Variants in PTPRA observed in about 807,000 individuals in gnomAD.
PTPRA encodes protein tyrosine phosphatase receptor type A.
In PTPRA, 25 loss-of-function variants were observed where a neutral mutation model predicts 104.8. That is an observed-to-expected ratio of 0.24 (90% CI 0.17 to 0.33). PTPRA has a LOEUF of 0.33. Among genes scored for constraint, PTPRA ranks in the 10% least tolerant of loss-of-function variants. The pLI, the probability that PTPRA is intolerant of heterozygous loss-of-function variation, is 1.00. For synonymous variants in PTPRA, 323 were observed against 368.9 expected (o/e 0.88, Z 1.43); for missense variants, 765 against 1,015.3 (o/e 0.75, Z 3.35).
At chr20:2,865,006 A>G in the PTPRA span, 1 of 1,614,170 alleles carries the variant, frequency 6.2e-7, no homozygotes, top group East Asian at 2.2e-5. The surrounding 1 kb of genome is among the most constrained non-coding windows in gnomAD (Gnocchi z 5.2). Context: ...GCAGCTCTGC[A>G]GACAGCCGCC....
intron 2 of PTPRA, among the ~76,000 whole-genome samples, chr20:2,933,580 C>T (rs2147537910): frequency 6.6e-6 from 1 of 152,102 alleles, no homozygotes; most frequent in Admixed American, 6.5e-5. Flanking sequence ...TGTGTCTCAG[C>T]CTCCCAAGTA....
At chr20:2,985,977 C>T (rs1029558196) in intron 6 of PTPRA, among the ~76,000 whole-genome samples, 7 of 151,936 alleles carry the variant, frequency 4.6e-5, no homozygotes, top group Non-Finnish European at 7.4e-5. Flanking sequence ...TGTACAGGCC[C>T]GGCTCACTGT....
intron 3 of PTPRA, among the ~76,000 whole-genome samples, chr20:2,952,145 A>G (rs942819565): frequency 1.3e-5 from 2 of 152,090 alleles, no homozygotes; most frequent in African/African-American, 4.8e-5. Flanking sequence ...AAAACTGTCA[A>G]ATGATACTCC....
At position 3,035,463 on chromosome 20, in the gene PTPRA, G is replaced by A. The variant is rs2148526337; in HGVS notation, c.1921-122G>A. On this transcript the variant is annotated intron_variant, in intron 20 of 23. Coordinates refer to ENST00000399903, the MANE Select transcript of PTPRA (RefSeq NM_001385305.1). This position sits in a 1 kb window ranked among gnomAD's most constrained non-coding sequence, Gnocchi z 5.8. The stretch of plus-strand genomic sequence containing the variant: ...TGATCCTGCAAGTTTTCAATACCTT[G>A]GGGACGAAGCGTATCAGCGTAAGAG... 1 of 1,160,456 alleles carries A rather than the reference G, an allele frequency of 8.6e-7. No individual in the cohort carries two copies. Among genetic ancestry groups the A allele is most frequent in the Non-Finnish European group, 1.2e-6 (1 of 821,720 alleles). The allele number at this position is 1,160,456 out of a possible 1,614,324, so 71.9% of individuals were successfully genotyped here. A position where few individuals can be genotyped will look rare whatever the true frequency, so the allele number is the denominator to read the frequency against.
intron 11 of PTPRA, among the ~76,000 whole-genome samples, chr20:3,012,748 G>A (rs2064233181): frequency 6.6e-6 from 1 of 152,206 alleles, no homozygotes; most frequent in Non-Finnish European, 1.5e-5. Context: ...GCCGTTTGTT[G>A]CATCCTTTTT....
chr20:3,022,859 T>A lies in PTPRA; in HGVS notation c.1464+35T>A. On this transcript the variant is annotated intron_variant, in intron 16 of 23. Coordinates refer to ENST00000399903, the MANE Select transcript of PTPRA (RefSeq NM_001385305.1). The surrounding 1 kb of genome is among the most constrained non-coding windows in gnomAD (Gnocchi z 4.6). ...CTGTGGGTCAGGTGAGGGTGGGGGG[T>A]TCCAGGACTAAAACATCTGCCCACA... 6.2e-7 allele frequency: 1 copy of A among 1,611,950 alleles called. No individual in the cohort carries two copies. Among genetic ancestry groups the A allele is most frequent in the South Asian group, 1.1e-5 (1 of 90,882 alleles).
At chr20:2,952,878 A>G (rs2061400044) in intron 3 of PTPRA, among the ~76,000 whole-genome samples, 1 of 152,188 alleles carries the variant, frequency 6.6e-6, no homozygotes, top group Admixed American at 6.6e-5. Context: ...ATGTGGTAGC[A>G]TGTGTCAGAA....
At chr20:2,929,525 T>C (rs1039748784) in intron 2 of PTPRA, among the ~76,000 whole-genome samples, 7 of 152,172 alleles carry the variant, frequency 4.6e-5, no homozygotes, top group Non-Finnish European at 8.8e-5. Context: ...TAAAATGTTC[T>C]TGGAGATGGT....
intron 16 of PTPRA, among the ~76,000 whole-genome samples, chr20:3,023,906 G>A (rs1159807531): frequency 6.6e-6 from 1 of 152,212 alleles, no homozygotes; most frequent in Non-Finnish European, 1.5e-5. Context: ...TGTGATGAAG[G>A]GCTCTTATAA....
chr20:2,932,624 T>C (rs1242439499), intron 2 of PTPRA, among the ~76,000 whole-genome samples: 3 of 152,072 alleles, frequency 2.0e-5, no homozygotes, highest in Admixed American at 6.6e-5. Flanking sequence ...GAGAGAGAGG[T>C]CATGTCCTCT....
At chr20:2,960,676 A>G (rs904781315) in intron 3 of PTPRA, among the ~76,000 whole-genome samples, 1 of 151,674 alleles carries the variant, frequency 6.6e-6, no homozygotes, top group Non-Finnish European at 1.5e-5. Context: ...AGCTGAGACT[A>G]CACACACACA....
intron 9 of PTPRA, among the ~76,000 whole-genome samples, chr20:2,999,204 T>C (rs925244718): frequency 6.6e-6 from 1 of 152,098 alleles, no homozygotes; most frequent in African/African-American, 2.4e-5. Context: ...TTTGAAGACA[T>C]TAAAGGAAAA....
At chr20:2,867,797 TAGAA>T in the PTPRA span, among the ~76,000 whole-genome samples, 4 of 152,370 alleles carry the variant, frequency 2.6e-5, no homozygotes, top group South Asian at 8.3e-4. Context: ...ACCATGCTTT[TAGAA>T]AGACAGTGAG....
chr20:2,923,690 T>A lies in PTPRA; in HGVS notation c.-50+405T>A, dbSNP rs200888072. ...GGCATGTGCCTGTAATCCCAGCTAC[T>A]CGGGAGGCTGAAGCAGGAGGATCCC... is the stretch of plus-strand genomic sequence containing the variant. On this transcript the variant is annotated intron_variant, in intron 2 of 23. Coordinates refer to ENST00000399903, the MANE Select transcript of PTPRA (RefSeq NM_001385305.1). 4.8e-4 allele frequency among the ~76,000 whole-genome samples: 73 copies of A among 152,184 alleles called. No homozygotes were observed. The East Asian group carries it at 0.012, about 26-fold the overall frequency.
chr20:2,971,273 A>G (rs1247792437), intron 5 of PTPRA, among the ~76,000 whole-genome samples: 1 of 152,218 alleles, frequency 6.6e-6, no homozygotes, highest in African/African-American at 2.4e-5. Context: ...TGTTGAGTCT[A>G]ACTATCCAAG....
chr20:3,035,176 C>G lies in PTPRA; in HGVS notation c.1921-409C>G, dbSNP rs2065735221. Among the ~76,000 whole-genome samples, 1 of 152,146 alleles carries G rather than the reference C, an allele frequency of 6.6e-6. No homozygotes were observed. Among genetic ancestry groups the G allele is most frequent in the South Asian group, 2.1e-4 (1 of 4,826 alleles). On this transcript the variant is annotated intron_variant, in intron 20 of 23. Transcript: ENST00000399903. The surrounding 1 kb of genome is among the most constrained non-coding windows in gnomAD (Gnocchi z 5.8). ...TACTGTGGCCTGGGCGGTGGTGAAG[C>G]CCATGGCTGTGTGGGAATGTGAATT...
Position 2,988,084 on chromosome 20 carries a change from A to C in PTPRA, c.580A>C (p.Asn194His), listed in dbSNP as rs1041054353. Residue 194 changes from asparagine (N) to histidine (H), a missense_variant, in exon 8 of 24, where the codon AAC (asparagine) becomes CAC (histidine). By Grantham distance (68) the Asn-to-His change is moderately conservative (BLOSUM62 1). Transcript: ENST00000399903. ...CCATTCCAATTCTTTCCGCTTATCC[A>C]ACGGCCGCACTGAGGATGTGGGTAA... ...GSHSNSFRLS[N>H]GRTEDVEPQS... is the part of the protein sequence containing the mutation. The C allele has an allele frequency of 6.3e-7, 1 of 1,589,422 alleles. No homozygotes were observed.
At position 2,913,832 on chromosome 20, in the gene PTPRA, G is replaced by C. The variant is rs538587677; in HGVS notation, c.-128-9375G>C. ...TATGAGGAGGAGGAGGAGGTACTTTGAGACAATGTAAGTATCCCATTCCTC... is the reference window on the plus strand; with the variant it reads ...TATGAGGAGGAGGAGGAGGTACTTTCAGACAATGTAAGTATCCCATTCCTC... On this transcript the variant is annotated intron_variant, in intron 1 of 23. Transcript: ENST00000399903. Among the ~76,000 whole-genome samples the C allele has an allele frequency of 3.0e-4, 45 of 152,194 alleles. No homozygotes were observed. The South Asian group carries it at 9.1e-3, about 31-fold the overall frequency.
intron 2 of PTPRA, among the ~76,000 whole-genome samples, chr20:2,944,716 T>A (rs1252410315): frequency 6.6e-6 from 1 of 152,214 alleles, no homozygotes; most frequent in African/African-American, 2.4e-5. Context: ...TACGTAGCCA[T>A]CTTTGCAAAC....
Sources: gnomAD v4.1 joint callset for allele counts (sites outside exome capture counted in the v4.1 genomes callset) on GRCh38, gnomAD v4.1.1 for gene constraint, Gnocchi (gnomAD v3.1) non-coding constraint, MANE v1.5 for transcripts, NCBI Gene and HGNC (gene_info 2026-07-23, HGNC 2026-07-21) for gene names.